Variants in G3BP1 observed in about 807,000 individuals in gnomAD.
G3BP1 encodes the protein G3BP stress granule assembly factor 1, also known as ras GTPase-activating protein-binding protein 1.
G3BP1 carries 35 observed loss-of-function variants against 58.6 expected under a neutral mutation model. The ratio of observed to expected loss-of-function variants is 0.60; its 90% CI spans 0.46 to 0.79. The LOEUF (loss-of-function observed/expected upper bound fraction) is 0.79. Among genes scored for constraint, G3BP1 ranks in the 30% least tolerant of loss-of-function variants. G3BP1 has a pLI of 0.00. For synonymous variants in G3BP1, 191 were observed against 195.4 expected, an observed-to-expected ratio of 0.98 and a Z score of 0.19; for missense variants, 523 against 580.8, an observed-to-expected ratio of 0.90 and a Z score of 1.02.
chr5:151,788,423 C>T (rs1762588223), intron 2 of G3BP1, among the ~76,000 whole-genome samples: 1 of 150,896 alleles, frequency 6.6e-6, no homozygotes, highest in African/African-American at 2.4e-5. Context: ...TTTTTTGAGA[C>T]AGTCTTACTC....
rs769813798 is a variant in G3BP1 at position 151,786,628 on chromosome 5, T to C, written c.8T>C (p.Met3Thr). The C allele has an allele frequency of 7.0e-5, 112 of 1,609,606 alleles. No individual in the cohort carries two copies. Among genetic ancestry groups the C allele is most frequent in the Non-Finnish European group, 8.5e-5 (100 of 1,175,990 alleles). Residue 3 changes from methionine (M) to threonine (T), a missense_variant, in exon 2 of 12, where the codon ATG becomes ACG. Transcript: ENST00000356245. The stretch of plus-strand genomic sequence containing the variant: ...GTTGAATTGACCAAAGCAATGGTGA[T>C]GGAGAAGCCTAGTCCCCTGCTGGTC... MV[M>T]EKPSPLLVGR...
intron 1 of G3BP1, among the ~76,000 whole-genome samples, chr5:151,773,326 A>G (rs903847857): frequency 2.5e-5 from 3 of 119,162 alleles, no homozygotes; most frequent in Non-Finnish European, 5.4e-5. Context: ...GCCCAGTTAC[A>G]GTATACTATT....
intron 11 of G3BP1, 101 bp from the exon 12 acceptor site, chr5:151,803,784 G>A (rs6860383): frequency 0.088 from 69,317 of 785,944 alleles, 3,656 homozygotes; most frequent in South Asian, 0.12. Flanking sequence ...ATGAGTCACC[G>A]TGCCCAGCCT....
rs750536686 is a variant in G3BP1 at position 151,791,029 on chromosome 5, G to A, written c.318G>A (p.Arg106=). Reference sequence around the variant, plus strand: ...TCTCTAACAACAACCAGGCTTTGAGGAGATTCATGCAAACGTTTGTCCTTG... The same window carrying A: ...TCTCTAACAACAACCAGGCTTTGAGAAGATTCATGCAAACGTTTGTCCTTG... The part of the protein sequence containing the change: ...GLLSNNNQAL[R]RFMQTFVLAP... The change falls in exon 4 of 12, where the codon AGG becomes AGA. Residue 106 remains arginine, a synonymous_variant. Coordinates refer to ENST00000356245, the MANE Select transcript of G3BP1 (RefSeq NM_005754.3). The A allele has an allele frequency of 1.2e-6, 2 of 1,613,942 alleles. No homozygotes were observed. The highest frequency in any genetic ancestry group is 1.1e-5 in the South Asian group (1 of 91,072).
intron 2 of G3BP1, 133 bp from the exon 3 acceptor site, chr5:151,790,190 C>T (rs1280492913): frequency 1.1e-5 from 5 of 454,580 alleles, no homozygotes; most frequent in Admixed American, 4.5e-5. Flanking sequence ...ATGATTGCAT[C>T]ACTGCACTCC....
rs896215077 is a variant in G3BP1, at chr5:151,806,451, C to T, written c.*2360C>T. 2.6e-5 allele frequency: 4 copies of T among 152,154 alleles called. No homozygotes were observed. The highest frequency in any genetic ancestry group is 5.9e-5 in the Non-Finnish European group (4 of 68,026). The allele number at this position is 152,154 out of a possible 1,614,324, so 9.4% of individuals were successfully genotyped here. On this transcript the variant is annotated 3_prime_UTR_variant, in exon 12 of 12. Coordinates refer to ENST00000356245, the MANE Select transcript of G3BP1 (RefSeq NM_005754.3). ...CTGCACAATCTCAGAAAATAGAAAGCTTCCCCAGTGCTTTCTGTCATCAGA... is the reference window on the plus strand; with the variant it reads ...CTGCACAATCTCAGAAAATAGAAAGTTTCCCCAGTGCTTTCTGTCATCAGA...
In G3BP1 at chr5:151,799,212, A is replaced by T. The variant is rs1561537005; in HGVS notation, c.742A>T (p.Thr248Ser). The change falls in exon 8 of 12, where the codon ACA becomes TCA. Residue 248 changes from threonine to serine, a missense_variant and splice_region_variant. Thr to Ser is a moderately conservative substitution (Grantham distance 58, BLOSUM62 1). Around this residue, in one of 2 missense-constraint regions of G3BP1, gnomAD observed 398 missense variants for 399.1 expected, o/e 1.00. Coordinates refer to ENST00000356245, the MANE Select transcript of G3BP1 (RefSeq NM_005754.3). ...IAQTVQEDLR[T>S]FSWASVTSKN... ...TGTAATGTTGGTATTGCTCCCTTAG[A>T]CATTTTCTTGGGCATCTGTGACCAG... The T allele has an allele frequency of 6.6e-7, 1 of 1,507,224 alleles. No individual in the cohort carries two copies. The highest frequency in any genetic ancestry group is 9.2e-7 in the Non-Finnish European group (1 of 1,082,346). 93.4% of individuals were successfully genotyped at this position (1,507,224 alleles called of 1,614,324 possible).
At position 151,800,489 on chromosome 5, in the gene G3BP1, A is replaced by G. The variant is rs1314297692; in HGVS notation, c.1084+143A>G. Reference sequence around the variant, plus strand: ...AAAAAAGGTAAAAAGAAACTGGATAATTTTAATAACATTTAACTTAAGGCA... The same window carrying G: ...AAAAAAGGTAAAAAGAAACTGGATAGTTTTAATAACATTTAACTTAAGGCA... On this transcript the variant is annotated intron_variant, in intron 10 of 11. Coordinates refer to ENST00000356245, the MANE Select transcript of G3BP1 (RefSeq NM_005754.3). 6.6e-6 allele frequency: 4 copies of G among 604,490 alleles called. No individual in the cohort carries two copies. The East Asian group carries it at 1.1e-4, about 17-fold the overall frequency. 37.4% of individuals were successfully genotyped at this position (604,490 alleles called of 1,614,324 possible).
intron 7 of G3BP1, 145 bp downstream of exon 7, chr5:151,797,573 C>A: frequency 4.5e-6 from 4 of 881,456 alleles, no homozygotes; most frequent in Non-Finnish European, 6.8e-6. Context: ...AGATATTGAG[C>A]CATATGTTTG....
intron 7 of G3BP1, among the ~76,000 whole-genome samples, chr5:151,798,398 C>G (rs891050841): frequency 6.6e-6 from 1 of 152,068 alleles, no homozygotes; most frequent in Non-Finnish European, 1.5e-5. Context: ...GCTGGACCAG[C>G]TGACCACTTA....
rs895869231 is a variant in G3BP1, at chr5:151,794,370, A to T, written c.442+121A>T. 6.3e-6 allele frequency: 4 copies of T among 634,262 alleles called. No homozygotes were observed. The East Asian group carries it at 1.1e-4, about 17-fold the overall frequency. The allele number at this position is 634,262 out of a possible 1,614,324, so 39.3% of individuals were successfully genotyped here. ...ACACTCTGTTCTTCATTAATAACTA[A>T]TTATGGTATATGAAGAGTCTGAGGT... On this transcript the variant is annotated intron_variant, in intron 5 of 11. Transcript: ENST00000356245.
intron 1 of G3BP1, 156 bp downstream of exon 1, chr5:151,772,192 A>T (rs1466286466): frequency 7.3e-6 from 1 of 136,680 alleles, no homozygotes; most frequent in Non-Finnish European, 1.6e-5. Context: ...CGCGCGGCGG[A>T]CGGACGGGCG....
rs534178155 is a variant in G3BP1, at chr5:151,811,507, A to G, written c.*7416A>G. 2.6e-5 allele frequency: 4 copies of G among 152,280 alleles called. No individual in the cohort carries two copies. The East Asian group carries it at 7.7e-4, about 29-fold the overall frequency. The allele number at this position is 152,280 out of a possible 1,614,324, so 9.4% of individuals were successfully genotyped here. On this transcript the variant is annotated 3_prime_UTR_variant, in exon 12 of 12. Transcript: ENST00000356245. Reference sequence around the variant, plus strand: ...AGTTAACCACAGAAAATTTCAGAAAACTTTAATTTTTTTCCATTGGAATCA... The same window carrying G: ...AGTTAACCACAGAAAATTTCAGAAAGCTTTAATTTTTTTCCATTGGAATCA...
At chr5:151,792,856 TCTC>T (rs760780266) in intron 4 of G3BP1, among the ~76,000 whole-genome samples, 27 of 152,136 alleles carry the variant, frequency 1.8e-4, no homozygotes, top group Admixed American at 3.9e-4. Flanking sequence ...CTTAAGCAGT[TCTC>T]CTACCTCAGC....
Position 151,799,376 on chromosome 5 carries a change from A to G in G3BP1, c.843+63A>G. ...ACTTCTATTGTGGTAATTTGATTCAACAGAGGTTTAGAGAATGTGAAAACT... is the reference window on the plus strand; with the variant it reads ...ACTTCTATTGTGGTAATTTGATTCAGCAGAGGTTTAGAGAATGTGAAAACT... On this transcript the variant is annotated intron_variant, in intron 8 of 11. Coordinates refer to ENST00000356245, the MANE Select transcript of G3BP1 (RefSeq NM_005754.3). 3 of 869,868 alleles carry G rather than the reference A, an allele frequency of 3.4e-6. No individual in the cohort carries two copies. The South Asian group carries it at 4.0e-5, about 12-fold the overall frequency. 53.9% of individuals were successfully genotyped at this position (869,868 alleles called of 1,614,324 possible).
chr5:151,788,612 G>GTGTA (rs1762594406), intron 2 of G3BP1, among the ~76,000 whole-genome samples: 1 of 146,440 alleles, frequency 6.8e-6, no homozygotes, highest in African/African-American at 2.7e-5. Flanking sequence ...GTGTGTGTGT[G>GTGTA]TATTATTTAT....
At position 151,794,302 on chromosome 5, in the gene G3BP1, C is replaced by T. The variant is rs1393769396; in HGVS notation, c.442+53C>T. The T allele has an allele frequency of 2.4e-5, 23 of 951,698 alleles. No homozygotes were observed. The East Asian group carries it at 3.1e-4, about 13-fold the overall frequency. 59.0% of individuals were successfully genotyped at this position (951,698 alleles called of 1,614,324 possible). ...TGTCTAAATTTTTTTTAATGGCATC[C>T]GATTGCCCTTAAGAGACTATGGGTT... On this transcript the variant is annotated intron_variant, in intron 5 of 11. Transcript: ENST00000356245.
intron 9 of G3BP1, 57 bp downstream of exon 9, chr5:151,800,057 T>C: frequency 8.0e-7 from 1 of 1,249,360 alleles, no homozygotes; most frequent in Non-Finnish European, 1.2e-6. Flanking sequence ...AGAGCTTATT[T>C]TGGGAGGGCA....
At chr5:151,785,936 T>C (rs2113227011) in intron 1 of G3BP1, among the ~76,000 whole-genome samples, 1 of 152,360 alleles carries the variant, frequency 6.6e-6, no homozygotes, top group East Asian at 1.9e-4. Flanking sequence ...TTGAATCTAA[T>C]ATTGCCTCAA....
Sources: allele counts gnomAD v4.1 joint callset (sites outside exome capture counted in the v4.1 genomes callset), GRCh38; gene constraint gnomAD v4.1.1; regional missense constraint gnomAD v4.1.1; transcripts MANE v1.5; gene names NCBI Gene and HGNC (gene_info 2026-07-23, HGNC 2026-07-21).